The following ATXN2 variants were observed in gnomAD, a reference collection of about 807,000 sequenced individuals.
The protein encoded by ATXN2 is ataxin-2.
ATXN2 carries 37 observed loss-of-function variants against 138.6 expected under a neutral mutation model. The ratio of observed to expected loss-of-function variants is 0.27; its 90% CI spans 0.21 to 0.35. The LOEUF is 0.35. Ranked by LOEUF, ATXN2 falls within the 10% of genes least tolerant of loss-of-function variation. ATXN2 has a pLI of 1.00. For missense variants in ATXN2, 1,216 were observed against 1,480.3 expected (o/e 0.82, Z 2.93); for synonymous variants, 549 against 543.7 (o/e 1.01, Z -0.13).
intron 21 of ATXN2, chr12:111,457,669 T>G: frequency 4.3e-6 from 1 of 231,658 alleles, no homozygotes; most frequent in Non-Finnish European, 8.5e-6. Context: ...AGGCAGAAAC[T>G]ACTCAAACAA....
chr12:111,525,347 T>TATA, intron 5 of ATXN2, 31 bp from the exon 6 acceptor site: 1 of 1,526,454 alleles, frequency 6.6e-7, no homozygotes, highest in Non-Finnish European at 8.8e-7. Context: ...TGAAAGTTTA[T>TATA]ATAATCTGGC....
At chr12:111,479,983 A>C (rs998717307) in intron 18 of ATXN2, among the ~76,000 whole-genome samples, 6 of 151,528 alleles carry the variant, frequency 4.0e-5, no homozygotes, top group South Asian at 2.1e-4. Context: ...GTCTCCAAAA[A>C]AAGATTTTTT....
At chr12:111,489,826 G>C (rs1193673168) in intron 14 of ATXN2, among the ~76,000 whole-genome samples, 3 of 151,950 alleles carry the variant, frequency 2.0e-5, no homozygotes, top group Admixed American at 2.0e-4. Context: ...CCAATGGCTG[G>C]ACCAAGGGTG....
intron 5 of ATXN2, among the ~76,000 whole-genome samples, chr12:111,550,469 T>C (rs184244071): frequency 6.6e-6 from 1 of 152,284 alleles, no homozygotes; most frequent in Non-Finnish European, 1.5e-5. Context: ...CCTTTTTTTT[T>C]GTTGTGGCCA....
At chr12:111,559,780 A>AC (rs1555240910) in intron 1 of ATXN2, among the ~76,000 whole-genome samples, 4 of 151,596 alleles carry the variant, frequency 2.6e-5, no homozygotes, top group African/African-American at 9.7e-5. Context: ...CAAAAAACAA[A>AC]AAAAAAAAAA....
intron 1 of ATXN2, chr12:111,581,837 C>T (rs1322129832): frequency 2.8e-6 from 1 of 360,394 alleles, no homozygotes; most frequent in Non-Finnish European, 5.3e-6. Context: ...CCATGTACTC[C>T]ATCCACCCTC....
chr12:111,599,615 G>T, upstream of ATXN2: 7 of 1,078,166 alleles, frequency 6.5e-6, no homozygotes, highest in Non-Finnish European at 7.9e-6. Context: ...ACGTGAGGTG[G>T]CCCCGGGGCC....
intron 1 of ATXN2, among the ~76,000 whole-genome samples, chr12:111,589,806 C>T (rs1431439177): frequency 6.6e-6 from 1 of 152,198 alleles, no homozygotes; most frequent in African/African-American, 2.4e-5. Context: ...GTGGTCCCAG[C>T]TACTCAGGAG....
At chr12:111,593,742 C>CA (rs1378548182) in intron 1 of ATXN2, among the ~76,000 whole-genome samples, 2 of 151,980 alleles carry the variant, frequency 1.3e-5, no homozygotes, top group Non-Finnish European at 2.9e-5. Flanking sequence ...AAAAGAAAAA[C>CA]AAAACATGTC....
Position 111,554,202 on chromosome 12 carries a change from T to C in ATXN2, c.304A>G (p.Ile102Val). The C allele has an allele frequency of 6.9e-7, 1 of 1,457,394 alleles. No homozygotes were observed. The highest frequency in any genetic ancestry group is 9.1e-7 in the Non-Finnish European group (1 of 1,093,918). The allele number at this position is 1,457,394 out of a possible 1,614,324, so 90.3% of individuals were successfully genotyped here. The change falls in exon 3 of 25, where the codon ATC (isoleucine) becomes GTC (valine). Residue 102 changes from isoleucine (I) to valine (V), a missense_variant. Transcript: ENST00000673436. ...TGAACCATCCTCATATTTGCATAGA[T>C]TCCATCAAAAGAAATCTGGAATATT... is the stretch of plus-strand genomic sequence containing the variant. ...LPQSTISFDGIYANMRMVHIL... is the reference protein window; with the variant it reads ...LPQSTISFDGVYANMRMVHIL...
intron 19 of ATXN2, 83 bp downstream of exon 19, chr12:111,470,475 A>C: frequency 5.3e-6 from 8 of 1,505,486 alleles, no homozygotes; most frequent in Non-Finnish European, 7.3e-6. Flanking sequence ...CAAAAGCAAA[A>C]ATTATAAAGG....
intron 10 of ATXN2, 76 bp from the exon 11 acceptor site, chr12:111,513,615 T>G: frequency 1.5e-6 from 2 of 1,329,150 alleles, no homozygotes; most frequent in Non-Finnish European, 2.0e-6. Context: ...ATACACCCAT[T>G]CACACACACA....
At position 111,599,188 on chromosome 12, in the gene ATXN2, GAGA is replaced by G. The variant is rs1885130621; in HGVS notation, c.-157_-155del. On this transcript the variant is annotated 5_prime_UTR_variant, in exon 1 of 25. Coordinates refer to ENST00000673436, the MANE Select transcript of ATXN2 (RefSeq NM_001372574.1). ...GAGGGGCGCCCGGGCTGGCGAGGGG[GAGA>G]AGGAGGACGACGAAGGGGCGGGGAG... 1.0e-5 allele frequency: 12 copies of G among 1,204,992 alleles called. No homozygotes were observed. In the East Asian group the frequency reaches 2.8e-4, roughly 28 times the overall value. 74.6% of individuals were successfully genotyped at this position (1,204,992 alleles called of 1,614,324 possible). A position where few individuals can be genotyped will look rare whatever the true frequency, so the allele number is the denominator to read the frequency against.
chr12:111,456,047 G>A lies in ATXN2; in HGVS notation c.3252C>T (p.His1084=). Residue 1084 remains histidine, a synonymous_variant, in exon 23 of 25, where the codon CAC becomes CAT. Coordinates refer to ENST00000673436, the MANE Select transcript of ATXN2 (RefSeq NM_001372574.1). ...GTATTACCTGAGGTACGTGGGCCAT[G>A]TGGGGTGGGTTGGTATACGCCGGCT... ...HVQPAYTNPP[H]MAHVPQAHVQ... is the part of the protein sequence containing the mutation. 1 of 1,614,218 alleles carries A rather than the reference G, an allele frequency of 6.2e-7. No homozygotes were observed. Among genetic ancestry groups the A allele is most frequent in the Non-Finnish European group, 8.5e-7 (1 of 1,180,032 alleles).
At position 111,470,246 on chromosome 12, in the gene ATXN2, T is replaced by G; in HGVS notation, c.2710-6A>C. On this transcript the variant is annotated splice_polypyrimidine_tract_variant and splice_region_variant and intron_variant, in intron 19 of 24. Coordinates refer to ENST00000673436, the MANE Select transcript of ATXN2 (RefSeq NM_001372574.1). ...GGACTATAGACATGAGGATGCTGTG[T>G]TCAAACAAAAAATAAAGAAAGCACA... 1.2e-6 allele frequency: 2 copies of G among 1,611,026 alleles called. No individual in the cohort carries two copies. Among genetic ancestry groups the G allele is most frequent in the Non-Finnish European group, 1.7e-6 (2 of 1,178,874 alleles).
chr12:111,462,977 TACACACAC>T (rs59710594), intron 21 of ATXN2, among the ~76,000 whole-genome samples: 1 of 147,738 alleles, frequency 6.8e-6, no homozygotes, highest in Non-Finnish European at 1.5e-5. Flanking sequence ...TATATATATA[TACACACAC>T]ACACACACAC....
chr12:111,513,586 A>G, intron 10 of ATXN2, 47 bp from the exon 11 acceptor site: 1 of 1,548,990 alleles, frequency 6.5e-7, no homozygotes, highest in Non-Finnish European at 8.7e-7. Context: ...GATATTCATC[A>G]GTACTACTTT....
At chr12:111,480,050 T>TAA (rs1337581933) in intron 18 of ATXN2, among the ~76,000 whole-genome samples, 1 of 144,090 alleles carries the variant, frequency 6.9e-6, no homozygotes, top group Non-Finnish European at 1.5e-5. Flanking sequence ...AAAAGAAATC[T>TAA]AAAGAGGATA....
chr12:111,574,431 T>C (rs1042915812), intron 1 of ATXN2, among the ~76,000 whole-genome samples: 1 of 152,062 alleles, frequency 6.6e-6, no homozygotes, highest in African/African-American at 2.4e-5. Context: ...TTCTTTTCTT[T>C]TTTTTGGCGG....
Sources: allele counts gnomAD v4.1 joint callset (sites outside exome capture counted in the v4.1 genomes callset), GRCh38; gene constraint gnomAD v4.1.1; transcripts MANE v1.5; gene names NCBI Gene and HGNC (gene_info 2026-07-23, HGNC 2026-07-21).